Variants in PAIP2B observed in about 807,000 individuals in gnomAD.
PAIP2B encodes the protein poly(A) binding protein interacting protein 2B.
In PAIP2B, 13 loss-of-function variants were observed where a neutral mutation model predicts 17.0. The ratio of observed to expected loss-of-function variants is 0.76; its 90% CI spans 0.50 to 1.22. The LOEUF is 1.22. Among genes scored for constraint, PAIP2B ranks in the 50% most tolerant of loss-of-function variants. The pLI is 0.00. For synonymous variants in PAIP2B, 43 were observed against 48.7 expected (o/e 0.88, Z 0.48); for missense variants, 117 against 144.5 (o/e 0.81, Z 0.98).
At chr2:71,200,601 A>C in intron 2 of PAIP2B, among the ~76,000 whole-genome samples, 1 of 151,964 alleles carries the variant, frequency 6.6e-6, no homozygotes, top group East Asian at 1.9e-4. Context: ...AAAATGCAAA[A>C]ATTTGCCAGG....
intron 2 of PAIP2B, among the ~76,000 whole-genome samples, chr2:71,200,598 A>G (rs1030107281): frequency 3.9e-5 from 6 of 152,146 alleles, no homozygotes; most frequent in African/African-American, 1.2e-4. Context: ...CTAAAAATGC[A>G]AAAATTTGCC....
intron 1 of PAIP2B, among the ~76,000 whole-genome samples, chr2:71,218,680 T>A (rs1675494747): frequency 6.6e-6 from 1 of 152,148 alleles, no homozygotes; most frequent in Non-Finnish European, 1.5e-5. Context: ...TCCATTAAAA[T>A]GTATATATAA....
chr2:71,189,844 C>T lies in PAIP2B; in HGVS notation c.315+1G>A, dbSNP rs1480410228. 6 of 1,549,618 alleles carry T rather than the reference C, an allele frequency of 3.9e-6. No homozygotes were observed. The highest frequency in any genetic ancestry group is 5.2e-6 in the Non-Finnish European group (6 of 1,145,930). On this transcript the variant is annotated splice_donor_variant, in intron 3 of 3. Coordinates refer to ENST00000244221, the MANE Select transcript of PAIP2B (RefSeq NM_020459.1). LOFTEE classifies it high-confidence loss of function. ...CCTGGGGAACTACATATGGCTCTTA[C>T]CAAAATATCTTCAGAATCATGACCT...
intron 1 of PAIP2B, among the ~76,000 whole-genome samples, chr2:71,208,339 C>G (rs2103798835): frequency 6.6e-6 from 1 of 152,198 alleles, no homozygotes; most frequent in Admixed American, 6.5e-5. Context: ...AGGAAAATCA[C>G]TTGGACCTGG....
intron 2 of PAIP2B, among the ~76,000 whole-genome samples, chr2:71,195,020 T>C (rs13339798): frequency 0.063 from 9,643 of 152,326 alleles, 326 homozygotes; most frequent in African/African-American, 0.081. Context: ...GTTTACATGA[T>C]GAATCACATT....
intron 1 of PAIP2B, among the ~76,000 whole-genome samples, chr2:71,223,879 G>T (rs1026949766): frequency 6.6e-6 from 1 of 152,186 alleles, no homozygotes; most frequent in Non-Finnish European, 1.5e-5. Flanking sequence ...GGGGAAAGGG[G>T]TTACCATGAA....
chr2:71,202,675 C>G, intron 1 of PAIP2B, 75 bp from the exon 2 acceptor site: 2 of 1,251,172 alleles, frequency 1.6e-6, no homozygotes, highest in Non-Finnish European at 2.2e-6. Context: ...CATGCAGATT[C>G]TGTCAGAAGC....
intron 1 of PAIP2B, among the ~76,000 whole-genome samples, chr2:71,224,541 A>G (rs1675672471): frequency 6.6e-6 from 1 of 152,206 alleles, no homozygotes; most frequent in African/African-American, 2.4e-5. Flanking sequence ...CACCAAGCAC[A>G]TAAGGTGTGG....
Position 71,191,880 on chromosome 2 carries a change from A to G in PAIP2B, c.139-1859T>C, listed in dbSNP as rs549161503. 2.6e-5 allele frequency among the ~76,000 whole-genome samples: 4 copies of G among 152,354 alleles called. 1 individual carries two copies. In the South Asian group the frequency reaches 6.2e-4, roughly 24 times the overall value. Reference sequence around the variant, plus strand: ...ACCTTGGACTGTTAACCTCACAGATATAAAACAATGCGTTACTGCTGAATC... The same window carrying G: ...ACCTTGGACTGTTAACCTCACAGATGTAAAACAATGCGTTACTGCTGAATC... On this transcript the variant is annotated intron_variant, in intron 2 of 3. Coordinates refer to ENST00000244221, the MANE Select transcript of PAIP2B (RefSeq NM_020459.1).
intron 1 of PAIP2B, among the ~76,000 whole-genome samples, chr2:71,203,390 A>G (rs1675035837): frequency 6.6e-6 from 1 of 150,694 alleles, no homozygotes; most frequent in Admixed American, 6.8e-5. Context: ...CTAGAAATAG[A>G]GCTGTTACAT....
At chr2:71,209,968 G>C (rs1675252244) in intron 1 of PAIP2B, among the ~76,000 whole-genome samples, 4 of 151,938 alleles carry the variant, frequency 2.6e-5, no homozygotes, top group African/African-American at 9.7e-5. Context: ...GGGACTACAG[G>C]TACGTGCCAC....
intron 1 of PAIP2B, among the ~76,000 whole-genome samples, chr2:71,226,045 A>G (rs1302703523): frequency 1.3e-5 from 2 of 152,354 alleles, no homozygotes; most frequent in East Asian, 3.9e-4. Context: ...TAATAGTAAC[A>G]AAATTTAAAT....
Position 71,226,922 on chromosome 2 carries a change from G to C in PAIP2B, c.-12+6C>G, listed in dbSNP as rs1405302833. ...TTTCCCCAGCAGCCCGGGCACCCGA[G>C]CCCACCTGGGCTAACCAGAAGCCCC... is the stretch of plus-strand genomic sequence containing the variant. On this transcript the variant is annotated splice_donor_region_variant and intron_variant, in intron 1 of 3. Transcript: ENST00000244221. 1 of 152,602 alleles carries C rather than the reference G, an allele frequency of 6.6e-6. No homozygotes were observed. The highest frequency in any genetic ancestry group is 1.5e-5 in the Non-Finnish European group (1 of 68,162). 9.5% of individuals were successfully genotyped at this position (152,602 alleles called of 1,614,324 possible). A position where few individuals can be genotyped will look rare whatever the true frequency, so the allele number is the denominator to read the frequency against.
intron 1 of PAIP2B, among the ~76,000 whole-genome samples, chr2:71,219,455 AT>A (rs1293514289): frequency 1.3e-5 from 2 of 151,748 alleles, no homozygotes; most frequent in African/African-American, 4.8e-5. Flanking sequence ...TATTCCTTTT[AT>A]TTTACAAGTT....
intron 1 of PAIP2B, among the ~76,000 whole-genome samples, chr2:71,209,371 G>C (rs1012683039): frequency 6.6e-6 from 1 of 152,228 alleles, no homozygotes; most frequent in Non-Finnish European, 1.5e-5. Context: ...ATACATACAG[G>C]AGGGAGAAAG....
chr2:71,211,050 C>T (rs1488884469), intron 1 of PAIP2B, among the ~76,000 whole-genome samples: 1 of 152,086 alleles, frequency 6.6e-6, no homozygotes, highest in East Asian at 1.9e-4. Flanking sequence ...AGTTCTAGAC[C>T]AGCCTGGCCA....
Position 71,186,868 on chromosome 2 carries a change from G to A in PAIP2B, c.*1611C>T, listed in dbSNP as rs904051057. 6.6e-6 allele frequency: 1 copy of A among 152,142 alleles called. No homozygotes were observed. The highest frequency in any genetic ancestry group is 2.4e-5 in the African/African-American group (1 of 41,424). 9.4% of individuals were successfully genotyped at this position (152,142 alleles called of 1,614,324 possible). On this transcript the variant is annotated 3_prime_UTR_variant, in exon 4 of 4. Coordinates refer to ENST00000244221, the MANE Select transcript of PAIP2B (RefSeq NM_020459.1). Reference sequence around the variant, plus strand: ...CCTAAAGACTCAAATAGGAAAAAATGTGTATTTTAAATCTGGCATTAGCTT... The same window carrying A: ...CCTAAAGACTCAAATAGGAAAAAATATGTATTTTAAATCTGGCATTAGCTT...
chr2:71,218,976 C>T lies in PAIP2B; in HGVS notation c.-12+7952G>A, dbSNP rs1434735064. Among the ~76,000 whole-genome samples, 10 of 147,292 alleles carry T rather than the reference C, an allele frequency of 6.8e-5. 1 individual carries two copies. The South Asian group carries it at 1.1e-3, about 16-fold the overall frequency. ...TGTCACCTAGGCTGGAGTGCAATGG[C>T]GCGATCTTGGCTCACTGCAAGCTCC... On this transcript the variant is annotated intron_variant, in intron 1 of 3. Coordinates refer to ENST00000244221, the MANE Select transcript of PAIP2B (RefSeq NM_020459.1).
chr2:71,219,571 T>G (rs1216250709), intron 1 of PAIP2B, among the ~76,000 whole-genome samples: 1 of 152,234 alleles, frequency 6.6e-6, no homozygotes, highest in Non-Finnish European at 1.5e-5. Context: ...TTCCTGGGGC[T>G]ACTCTTCCAA....
Sources: allele counts gnomAD v4.1 joint callset (sites outside exome capture counted in the v4.1 genomes callset), GRCh38; gene constraint gnomAD v4.1.1; transcripts MANE v1.5; gene names NCBI Gene and HGNC (gene_info 2026-07-23, HGNC 2026-07-21).